CFAP20DC: variants seen among roughly 807,000 people sequenced by gnomAD.
CFAP20DC encodes the protein protein CFAP20DC.
Under a neutral mutation model 101.7 loss-of-function variants are expected in CFAP20DC, and 84 were observed. The observed-to-expected ratio is 0.83, with a 90% CI of 0.69 to 0.99. The LOEUF (loss-of-function observed/expected upper bound fraction) is 0.99, where lower values mean the gene tolerates loss of function less well. Ranked by LOEUF, CFAP20DC falls within the 50% of genes least tolerant of loss-of-function variation. The pLI is 0.00. For missense variants in CFAP20DC, 1,007 were observed against 970.3 expected (o/e 1.04, Z -0.50); for synonymous variants, 359 against 351.2 (o/e 1.02, Z -0.25).
intron 12 of CFAP20DC, 49 bp from the exon 13 acceptor site, chr3:58,849,458 G>A (rs746282649): frequency 8.0e-6 from 11 of 1,374,702 alleles, no homozygotes; most frequent in Non-Finnish European, 8.7e-6. Flanking sequence ...AATTTGTGGT[G>A]AATAAGTTAC....
intron 14 of CFAP20DC, among the ~76,000 whole-genome samples, chr3:58,808,052 T>C (rs1052337634): frequency 3.9e-5 from 6 of 152,004 alleles, no homozygotes; most frequent in African/African-American, 1.5e-4. Context: ...CTCCAAGAAA[T>C]ATGGGACTAC....
intron 4 of CFAP20DC, chr3:59,018,333 T>A (rs1461148899): frequency 6.6e-6 from 1 of 152,130 alleles, no homozygotes; most frequent in Non-Finnish European, 1.5e-5. Context: ...GAATGAGAGC[T>A]TAATGAGGAA....
chr3:58,974,294 G>A (rs995377011), intron 4 of CFAP20DC, among the ~76,000 whole-genome samples: 2 of 151,978 alleles, frequency 1.3e-5, no homozygotes, highest in Admixed American at 6.6e-5. Context: ...AGTGTCTTTT[G>A]TTCCCCTCTT....
chr3:59,048,495 G>A (rs1576836500), intron 1 of CFAP20DC, among the ~76,000 whole-genome samples: 1 of 152,232 alleles, frequency 6.6e-6, no homozygotes, highest in South Asian at 2.1e-4. Context: ...TCGGTGAGAC[G>A]GCAAACTCTC....
chr3:58,808,381 C>A (rs980477572), intron 14 of CFAP20DC, among the ~76,000 whole-genome samples: 1 of 152,226 alleles, frequency 6.6e-6, no homozygotes, highest in Non-Finnish European at 1.5e-5. Flanking sequence ...AGAAATTCTA[C>A]AAGCCAGAAA....
rs1235920806 is a variant in CFAP20DC, at chr3:58,912,831, T to C, written c.550+877A>G. ...AAATATGAGGAAGAACTCAACTCTT[T>C]CCATTTTAACTTGATCACTAGAAAA... On this transcript the variant is annotated intron_variant, in intron 6 of 16. Transcript: ENST00000482387. The surrounding 1 kb of genome is among the most constrained non-coding windows in gnomAD (Gnocchi z 4.4). The C allele has an allele frequency of 2.3e-6, 1 of 430,428 alleles. No homozygotes were observed. Among genetic ancestry groups the C allele is most frequent in the Non-Finnish European group, 4.6e-6 (1 of 218,648 alleles). The allele number at this position is 430,428 out of a possible 1,614,324, so 26.7% of individuals were successfully genotyped here. A position where few individuals can be genotyped will look rare whatever the true frequency, so the allele number is the denominator to read the frequency against.
chr3:58,867,393 G>A (rs916753053), intron 10 of CFAP20DC, among the ~76,000 whole-genome samples: 2 of 152,114 alleles, frequency 1.3e-5, no homozygotes, highest in Non-Finnish European at 2.9e-5. Flanking sequence ...AACATATGGT[G>A]AATAATCCAA....
intron 13 of CFAP20DC, among the ~76,000 whole-genome samples, chr3:58,842,897 G>C (rs576237297): frequency 1.3e-5 from 2 of 152,292 alleles, no homozygotes; most frequent in Middle Eastern, 3.4e-3. Flanking sequence ...CCCCCAGCAG[G>C]GGCACACTGA....
chr3:58,895,842 T>A (rs1263880978), intron 6 of CFAP20DC, among the ~76,000 whole-genome samples: 1 of 152,176 alleles, frequency 6.6e-6, no homozygotes, highest in East Asian at 1.9e-4. Flanking sequence ...GAGGAGCAAG[T>A]CACATCTTAC....
intron 15 of CFAP20DC, among the ~76,000 whole-genome samples, chr3:58,757,609 C>G (rs996789247): frequency 5.9e-5 from 9 of 152,040 alleles, no homozygotes; most frequent in Non-Finnish European, 1.2e-4. Flanking sequence ...TCCCTACAAC[C>G]AAGTTCTGTG....
At chr3:59,043,514 G>A (rs1347036509) in intron 3 of CFAP20DC, among the ~76,000 whole-genome samples, 1 of 151,814 alleles carries the variant, frequency 6.6e-6, no homozygotes, top group Non-Finnish European at 1.5e-5. Context: ...TACTAAAGTG[G>A]GGGCTTGAGG....
At chr3:58,830,532 T>C (rs1028447158) in intron 14 of CFAP20DC, among the ~76,000 whole-genome samples, 2 of 152,078 alleles carry the variant, frequency 1.3e-5, no homozygotes, top group African/African-American at 2.4e-5. Flanking sequence ...ACAAAGATGT[T>C]GGAGACCTGG....
intron 4 of CFAP20DC, among the ~76,000 whole-genome samples, chr3:58,950,477 A>G (rs1176157860): frequency 1.3e-5 from 2 of 152,190 alleles, no homozygotes; most frequent in African/African-American, 2.4e-5. Flanking sequence ...AAAAGAACAA[A>G]GCTGGAGGCA....
chr3:58,890,028 C>T (rs1171466441), intron 6 of CFAP20DC, among the ~76,000 whole-genome samples: 2 of 148,628 alleles, frequency 1.3e-5, no homozygotes, highest in African/African-American at 2.5e-5. Flanking sequence ...TCCACAAAGC[C>T]GCCATTGTCA....
rs954737482 is a variant in CFAP20DC at position 58,971,352 on chromosome 3, G to A, written c.279-33590C>T. On this transcript the variant is annotated intron_variant, in intron 4 of 16. Transcript: ENST00000482387. The surrounding 1 kb of genome is among the most constrained non-coding windows in gnomAD (Gnocchi z 4.1). ...TTTTTTAAAGTTTAAAATAAATTGC[G>A]CACCAATCAAAATTTGACAGTATCC... 2.6e-5 allele frequency among the ~76,000 whole-genome samples: 4 copies of A among 151,786 alleles called. No individual in the cohort carries two copies. Among genetic ancestry groups the A allele is most frequent in the Non-Finnish European group, 4.4e-5 (3 of 67,964 alleles).
chr3:58,762,559 T>A (rs932552847), intron 15 of CFAP20DC, among the ~76,000 whole-genome samples: 3 of 152,230 alleles, frequency 2.0e-5, no homozygotes, highest in South Asian at 4.1e-4. Flanking sequence ...TATTGTTATG[T>A]GTGAATTTGA....
chr3:58,753,774 A>G lies in CFAP20DC; in HGVS notation c.2327T>C (p.Val776Ala), dbSNP rs944554235. 1.9e-6 allele frequency: 3 copies of G among 1,608,156 alleles called. No individual in the cohort carries two copies. Among genetic ancestry groups the G allele is most frequent in the Middle Eastern group, 1.7e-4 (1 of 6,040 alleles). The stretch of plus-strand genomic sequence containing the variant: ...ATCGTTTTTCATAGTCCCACCTTGA[A>G]CACTCAAACTTTCACAGGAATCTGG... ...QRPDSCESLS[V>A]QGEEDLSVEE... Residue 776 changes from valine to alanine, a missense_variant, in exon 16 of 17, where the codon GTT (valine) becomes GCT (alanine). By Grantham distance (64) the Val-to-Ala change is moderately conservative. Transcript: ENST00000482387.
chr3:58,897,974 T>C lies in CFAP20DC; in HGVS notation c.551-13265A>G, dbSNP rs1489800403. 6.6e-6 allele frequency among the ~76,000 whole-genome samples: 1 copy of C among 152,208 alleles called. No homozygotes were observed. On this transcript the variant is annotated intron_variant, in intron 6 of 16. Transcript: ENST00000482387. This position sits in a 1 kb window ranked among gnomAD's most constrained non-coding sequence, Gnocchi z 4.4. ...CCTGGATGCTATCCTGAAATATGTT[T>C]TCCAACTTGGTTCCATCTCCCGGTC...
Position 59,028,201 on chromosome 3 carries a change from T to C in CFAP20DC, c.278+11356A>G, listed in dbSNP as rs566127492. Among the ~76,000 whole-genome samples, 22 of 152,306 alleles carry C rather than the reference T, an allele frequency of 1.4e-4. No homozygotes were observed. The South Asian group carries it at 4.6e-3, about 32-fold the overall frequency. On this transcript the variant is annotated intron_variant, in intron 4 of 16. Coordinates refer to ENST00000482387, the MANE Select transcript of CFAP20DC (RefSeq NM_001394063.1). ...TCCACAGGCATATGATCCTGAATAA[T>C]ACAATTTTTGATCTTAAAGAAAAAA...
Sources: allele counts gnomAD v4.1 joint callset (sites outside exome capture counted in the v4.1 genomes callset), GRCh38; gene constraint gnomAD v4.1.1; non-coding constraint Gnocchi (gnomAD v3.1); transcripts MANE v1.5; gene names NCBI Gene and HGNC (gene_info 2026-07-23, HGNC 2026-07-21).